UTRN: variants seen among roughly 807,000 people sequenced by gnomAD.
The protein encoded by UTRN is utrophin, also known as dystrophin-related protein 1.
A neutral mutation model predicts 463.9 loss-of-function variants in UTRN; 283 were observed. The observed-to-expected ratio is 0.61, with a 90% CI of 0.55 to 0.67. The LOEUF is 0.67. UTRN is among the 30% of genes least tolerant of loss of function. The pLI is 0.00. For synonymous variants in UTRN, 1,442 were observed against 1,431.5 expected (o/e 1.01, Z -0.17); for missense variants, 3,922 against 4,084.3 (o/e 0.96, Z 1.08).
intron 58 of UTRN, among the ~76,000 whole-genome samples, chr6:144,763,896 T>C (rs561408655): frequency 1.2e-4 from 18 of 152,314 alleles, no homozygotes; most frequent in African/African-American, 3.6e-4. Flanking sequence ...CTTCCCTCTT[T>C]CGTGAAGATG....
intron 3 of UTRN, among the ~76,000 whole-genome samples, chr6:144,415,271 T>C (rs1251999074): frequency 1.3e-5 from 2 of 152,192 alleles, no homozygotes; most frequent in African/African-American, 4.8e-5. Context: ...ATCCCTGTCC[T>C]TAAGTGACTC....
At position 144,823,433 on chromosome 6, in the gene UTRN, G is replaced by A. The variant is rs186380542; in HGVS notation, c.9494+2415G>A. 1.1e-4 allele frequency among the ~76,000 whole-genome samples: 17 copies of A among 152,190 alleles called. No homozygotes were observed. In the East Asian group the frequency reaches 2.9e-3, roughly 26 times the overall value. ...TGATTTTGTTTATTCTCCTATTTGT[G>A]GGAGGAGAACATTGGAGAAAAACCA... On this transcript the variant is annotated intron_variant, in intron 66 of 74. Transcript: ENST00000367545.
In UTRN at chr6:144,429,563, A is replaced by C. The variant is rs1459524731; in HGVS notation, c.695-18A>C. 1 of 1,587,452 alleles carries C rather than the reference A, an allele frequency of 6.3e-7. No homozygotes were observed. Among genetic ancestry groups the C allele is most frequent in the Admixed American group, 1.9e-5 (1 of 53,654 alleles). On this transcript the variant is annotated intron_variant, in intron 8 of 74. Transcript: ENST00000367545. ...GGACACCTAATTTAAGCTGGTTCTT[A>C]TATTCTTCCACTTTTAGATGTTGCC...
At chr6:144,602,373 A>G (rs1289405762) in intron 51 of UTRN, among the ~76,000 whole-genome samples, 1 of 151,762 alleles carries the variant, frequency 6.6e-6, no homozygotes, top group Non-Finnish European at 1.5e-5. Flanking sequence ...TCCTGACATC[A>G]TGTGATCCAC....
chr6:144,805,611 G>T (rs1778081661), intron 65 of UTRN, among the ~76,000 whole-genome samples: 1 of 152,194 alleles, frequency 6.6e-6, no homozygotes, highest in African/African-American at 2.4e-5. Context: ...ACAACTGGAA[G>T]TGCCCAGTGC....
At chr6:144,612,804 A>G (rs1424347189) in intron 51 of UTRN, among the ~76,000 whole-genome samples, 5 of 152,112 alleles carry the variant, frequency 3.3e-5, no homozygotes, top group Non-Finnish European at 7.4e-5. Flanking sequence ...AAGGTTCTTA[A>G]AAAGGTAAAA....
chr6:144,459,216 A>G lies in UTRN; in HGVS notation c.2569A>G (p.Met857Val). The change falls in exon 21 of 75, where the codon ATG (methionine) becomes GTG (valine). Residue 857 changes from methionine (M) to valine (V), a missense_variant. By Grantham distance (21) the Met-to-Val change is conservative (BLOSUM62 1). Coordinates refer to ENST00000367545, the MANE Select transcript of UTRN (RefSeq NM_007124.3). ...TCTTGGCCTTCACCCCAAAATTGAA[A>G]TGGCTCGTGCAAGCTGCTCGGCCCT... ...NLLGLHPKIE[M>V]ARASCSALMS... The G allele has an allele frequency of 6.2e-7, 1 of 1,613,512 alleles. No individual in the cohort carries two copies. Among genetic ancestry groups the G allele is most frequent in the Non-Finnish European group, 8.5e-7 (1 of 1,179,842 alleles).
At chr6:144,456,080 G>C (rs73780575) in intron 19 of UTRN, among the ~76,000 whole-genome samples, 6,633 of 151,764 alleles carry the variant, frequency 0.044, 337 homozygotes, top group African/African-American at 0.12. Context: ...ATTCTTTTTT[G>C]TTTTAAAGAT....
intron 52 of UTRN, among the ~76,000 whole-genome samples, chr6:144,681,429 C>T (rs560257357): frequency 4.6e-5 from 7 of 152,072 alleles, no homozygotes; most frequent in African/African-American, 9.7e-5. Flanking sequence ...GGAATGCTGT[C>T]GAGAGCCAAG....
chr6:144,796,204 T>C (rs1288077015), intron 63 of UTRN, among the ~76,000 whole-genome samples: 2 of 152,180 alleles, frequency 1.3e-5, no homozygotes, highest in Non-Finnish European at 2.9e-5. Context: ...GTCAGGTTTG[T>C]CAAAGATCAG....
At chr6:144,713,330 G>A (rs1785944840) in intron 53 of UTRN, among the ~76,000 whole-genome samples, 1 of 152,182 alleles carries the variant, frequency 6.6e-6, no homozygotes, top group Admixed American at 6.5e-5. Context: ...AGGGGGCCGG[G>A]TGCAGTGGCT....
At chr6:144,697,533 A>C (rs1784143769) in intron 52 of UTRN, among the ~76,000 whole-genome samples, 1 of 152,176 alleles carries the variant, frequency 6.6e-6, no homozygotes, top group Non-Finnish European at 1.5e-5. Flanking sequence ...GCATGCATTT[A>C]TTTGAGCATA....
At chr6:144,719,353 C>T (rs1304606887) in intron 53 of UTRN, among the ~76,000 whole-genome samples, 9 of 152,046 alleles carry the variant, frequency 5.9e-5, no homozygotes, top group Non-Finnish European at 1.5e-5. Context: ...CCGAGGAAGG[C>T]GGATCACCTG....
At chr6:144,432,830 C>T (rs575460487) in intron 9 of UTRN, among the ~76,000 whole-genome samples, 3 of 152,178 alleles carry the variant, frequency 2.0e-5, no homozygotes, top group Admixed American at 6.5e-5. Context: ...GAGGACCCTG[C>T]GGCCTTCCGC....
rs1585027462 is a variant in UTRN, at chr6:144,499,386, G to A, written c.4723G>A (p.Gly1575Ser). 1.2e-6 allele frequency: 2 copies of A among 1,611,218 alleles called. No individual in the cohort carries two copies. Among genetic ancestry groups the A allele is most frequent in the East Asian group, 2.2e-5 (1 of 44,780 alleles). Residue 1575 changes from glycine (G) to serine (S), a missense_variant, in exon 34 of 75, where the codon GGT becomes AGT. Gly to Ser is a moderately conservative substitution (Grantham distance 56). Transcript: ENST00000367545. Reference sequence around the variant, plus strand: ...ATTGGTACAGAAGTCCACTTCAGAAGGTCTGCTTGGTGACTTGGATACAGA... The same window carrying A: ...ATTGGTACAGAAGTCCACTTCAGAAAGTCTGCTTGGTGACTTGGATACAGA... ...TELVQKSTSE[G>S]LLGDLDTEIS...
At chr6:144,289,406 G>GT in intron 1 of UTRN, among the ~76,000 whole-genome samples, 1 of 152,150 alleles carries the variant, frequency 6.6e-6, no homozygotes, top group Non-Finnish European at 1.5e-5. Flanking sequence ...CTTGTTTCCT[G>GT]CATATAATAT....
At position 144,473,848 on chromosome 6, in the gene UTRN, T is replaced by C. The variant is rs1790916023; in HGVS notation, c.3180+15T>C. The C allele has an allele frequency of 1.3e-6, 2 of 1,568,408 alleles. No individual in the cohort carries two copies. The highest frequency in any genetic ancestry group is 2.3e-5 in the South Asian group (2 of 87,826). On this transcript the variant is annotated intron_variant, in intron 24 of 74. Transcript: ENST00000367545. ...ACCAGTGCTCTGTGAGTTCTGCTGA[T>C]CTGGGGAACTTGTCATAAATAACAT... is the stretch of plus-strand genomic sequence containing the variant.
At chr6:144,754,953 GTTA>G (rs1407541142) in intron 57 of UTRN, among the ~76,000 whole-genome samples, 155 bp downstream of exon 57, 1 of 152,072 alleles carries the variant, frequency 6.6e-6, no homozygotes, top group Non-Finnish European at 1.5e-5. Flanking sequence ...TTGCTTAATG[GTTA>G]TTATTTGTAA....
chr6:144,490,232 C>A (rs1445812293), intron 31 of UTRN, 33 bp downstream of exon 31: 1 of 1,570,448 alleles, frequency 6.4e-7, no homozygotes, highest in African/African-American at 1.4e-5. Context: ...TTTTACTTTT[C>A]AACTTGTTGG....
Sources: gnomAD v4.1 joint callset for allele counts (sites outside exome capture counted in the v4.1 genomes callset) on GRCh38, gnomAD v4.1.1 for gene constraint, MANE v1.5 for transcripts, NCBI Gene and HGNC (gene_info 2026-07-23, HGNC 2026-07-21) for gene names.